SKOR2: variants seen among roughly 807,000 people sequenced by gnomAD.
SKOR2 encodes the protein LBX1 corepressor 1-like protein.
SKOR2 carries 47 observed loss-of-function variants against 69.1 expected under a neutral mutation model. The ratio of observed to expected loss-of-function variants is 0.68; its 90% CI spans 0.54 to 0.87. SKOR2 has a LOEUF of 0.87. SKOR2 is among the 40% of genes least tolerant of loss of function. The probability of loss-of-function intolerance (pLI) is 0.00; values close to 1 mark genes in which losing one functional copy is unlikely to be tolerated. For synonymous variants in SKOR2, 717 were observed against 672.6 expected, an observed-to-expected ratio of 1.07 and a Z score of -1.02; for missense variants, 1,404 against 1,472.2, an observed-to-expected ratio of 0.95 and a Z score of 0.76.
intron 4 of SKOR2, among the ~76,000 whole-genome samples, chr18:47,235,573 C>T (rs984866024): frequency 3.3e-5 from 5 of 152,068 alleles, no homozygotes; most frequent in South Asian, 4.1e-4. Context: ...TGTCAGGAGT[C>T]GGCTTTCCTG....
In SKOR2 at chr18:47,248,261, C is replaced by T; in HGVS notation, c.923G>A (p.Arg308Gln). 8.2e-7 allele frequency: 1 copy of T among 1,221,022 alleles called. No homozygotes were observed. The highest frequency in any genetic ancestry group is 1.0e-6 in the Non-Finnish European group (1 of 982,974). The allele number at this position is 1,221,022 out of a possible 1,614,324, so 75.6% of individuals were successfully genotyped here. A position where few individuals can be genotyped will look rare whatever the true frequency, so the allele number is the denominator to read the frequency against. The part of the protein sequence containing the change: ...LAGAPHAHHK[R>Q]PRFDDDDDSL... ...GTCGTCGTCGTCGTCGAAGCGCGGC[C>T]GCTTGTGATGGGCGTGCGGGGCACC... The change falls in exon 2 of 9, where the codon CGG becomes CAG. Residue 308 changes from arginine (R) to glutamine (Q), a missense_variant. Physicochemically the swap from Arg to Gln is conservative, Grantham distance 43. Transcript: ENST00000425639. This position sits in a 1 kb window ranked among gnomAD's most constrained non-coding sequence, Gnocchi z 6.4.
chr18:47,242,996 C>T (rs2064255656), intron 4 of SKOR2, among the ~76,000 whole-genome samples: 1 of 152,058 alleles, frequency 6.6e-6, no homozygotes, highest in East Asian at 1.9e-4. Context: ...TTAGGCTTTA[C>T]GGGGGCTTGC....
intron 2 of SKOR2, among the ~76,000 whole-genome samples, chr18:47,245,780 CAG>C (rs962973648): frequency 6.6e-5 from 10 of 151,956 alleles, no homozygotes; most frequent in African/African-American, 2.4e-4. Context: ...ACAGATTAAT[CAG>C]ATATATGCTA....
Position 47,248,505 on chromosome 18 carries a change from C to A in SKOR2, c.679G>T (p.Ala227Ser), listed in dbSNP as rs1287960701. 9 of 1,536,748 alleles carry A rather than the reference C, an allele frequency of 5.9e-6. No individual in the cohort carries two copies. In the Admixed American group the frequency reaches 1.4e-4, roughly 23 times the overall value. The part of the protein sequence containing the change: ...DKSPQDELVF[A>S]WEDVKAMFNG... ...AACATGGCCTTGACGTCCTCCCAGG[C>A]GAAGACCAGCTCGTCCTGGGGACTC... is the stretch of plus-strand genomic sequence containing the variant. The change falls in exon 2 of 9, where the codon GCC becomes TCC. Residue 227 changes from alanine to serine, a missense_variant. Physicochemically the swap from Ala to Ser is moderately conservative, Grantham distance 99. Coordinates refer to ENST00000425639, the MANE Select transcript of SKOR2 (RefSeq NM_001278063.4). This position sits in a 1 kb window ranked among gnomAD's most constrained non-coding sequence, Gnocchi z 6.4.
intron 6 of SKOR2, among the ~76,000 whole-genome samples, chr18:47,229,452 G>A (rs955765629): frequency 2.0e-5 from 3 of 152,184 alleles, no homozygotes; most frequent in Middle Eastern, 3.4e-3. Context: ...TCAGGAGTTC[G>A]AGACCTGCCT....
Position 47,248,093 on chromosome 18 carries a change from G to GCGCCCA in SKOR2, c.1085_1090dup (p.Val362_Gly363dup), listed in dbSNP as rs1189863463. ...TGCCCCGGCACCCGCCCCCGCGCCC[G>GCGCCCA]CGCCCACGCCCACGCCGGCCACACA... On this transcript the variant is annotated inframe_insertion, in exon 2 of 9. Coordinates refer to ENST00000425639, the MANE Select transcript of SKOR2 (RefSeq NM_001278063.4). This position sits in a 1 kb window ranked among gnomAD's most constrained non-coding sequence, Gnocchi z 6.4. The GCGCCCA allele has an allele frequency of 6.9e-5, 95 of 1,369,230 alleles. 1 individual carries two copies. In the Admixed American group the frequency reaches 1.2e-3, roughly 18 times the overall value. 84.8% of individuals were successfully genotyped at this position (1,369,230 alleles called of 1,614,324 possible).
Position 47,245,478 on chromosome 18 carries a change from A to ATTTTTTTTTTTTTTTTTTTT in SKOR2, c.2677+19_2677+20insAAAAAAAAAAAAAAAAAAAA, listed in dbSNP as rs10670977. The ATTTTTTTTTTTTTTTTTTTT allele has an allele frequency of 1.2e-3, 1,381 of 1,197,330 alleles. 38 individuals are homozygous for ATTTTTTTTTTTTTTTTTTTT. The highest frequency in any genetic ancestry group is 4.1e-3 in the African/African-American group (178 of 43,936). The allele number at this position is 1,197,330 out of a possible 1,614,324, so 74.2% of individuals were successfully genotyped here. A position where few individuals can be genotyped will look rare whatever the true frequency, so the allele number is the denominator to read the frequency against. Reference sequence around the variant, plus strand: ...ATGCAGGCAAGAAAAGTGGCAGCTGATTTTTTTTTTTTTTTTTACCTGAAA... The same window carrying ATTTTTTTTTTTTTTTTTTTT: ...ATGCAGGCAAGAAAAGTGGCAGCTGATTTTTTTTTTTTTTTTTTTTTTTTTTTTTTTTTTTTTACCTGAAA... On this transcript the variant is annotated intron_variant, in intron 3 of 8. Coordinates refer to ENST00000425639, the MANE Select transcript of SKOR2 (RefSeq NM_001278063.4).
At position 47,218,589 on chromosome 18, in the gene SKOR2, C is replaced by CAAAAAAAA. The variant is rs57860548; in HGVS notation, c.2985+1346_2985+1353dup. 1.6e-3 allele frequency among the ~76,000 whole-genome samples: 139 copies of CAAAAAAAA among 88,216 alleles called. 1 individual carries two copies. Among genetic ancestry groups the CAAAAAAAA allele is most frequent in the African/African-American group, 5.9e-3 (127 of 21,644 alleles). The allele number at this position is 88,216 out of a possible 152,430, so 57.9% of individuals were successfully genotyped here. A position where few individuals can be genotyped will look rare whatever the true frequency, so the allele number is the denominator to read the frequency against. ...TGTGCAGCAGAGTGAGACCCTGTCTCAAAAAAAAAAAAAAAAAAAAATCTG... is the reference window on the plus strand; with the variant it reads ...TGTGCAGCAGAGTGAGACCCTGTCTCAAAAAAAAAAAAAAAAAAAAAAAAAAAAATCTG... On this transcript the variant is annotated intron_variant, in intron 7 of 8. Coordinates refer to ENST00000425639, the MANE Select transcript of SKOR2 (RefSeq NM_001278063.4).
chr18:47,240,708 C>A (rs1014802003), intron 4 of SKOR2, among the ~76,000 whole-genome samples: 6 of 152,124 alleles, frequency 3.9e-5, no homozygotes, highest in African/African-American at 1.4e-4. Context: ...AAATGATGAA[C>A]TAAAATATCA....
intron 4 of SKOR2, among the ~76,000 whole-genome samples, chr18:47,244,530 A>G (rs886922681): frequency 6.6e-6 from 1 of 152,130 alleles, no homozygotes; most frequent in Admixed American, 6.5e-5. Flanking sequence ...TATCATGGAG[A>G]TAATATAAAT....
At position 47,249,110 on chromosome 18, in the gene SKOR2, G is replaced by A. The variant is rs763736877; in HGVS notation, c.74C>T (p.Thr25Met). ...GTGCCCTGGCCGCGGCTGGCTCAGC[G>A]TGTCGGGCTGGAAGGCGCTCGACGG... The part of the protein sequence containing the change: ...ASPSSAFQPD[T>M]LSQPRPGHAN... The change falls in exon 2 of 9, where the codon ACG becomes ATG. Residue 25 changes from threonine to methionine, a missense_variant. Coordinates refer to ENST00000425639, the MANE Select transcript of SKOR2 (RefSeq NM_001278063.4). The A allele has an allele frequency of 2.5e-5, 38 of 1,536,020 alleles. No homozygotes were observed. In the Admixed American group the frequency reaches 3.7e-4, roughly 15 times the overall value.
At chr18:47,246,167 T>C (rs1235848821) in intron 2 of SKOR2, among the ~76,000 whole-genome samples, 2 of 152,168 alleles carry the variant, frequency 1.3e-5, no homozygotes, top group Admixed American at 6.5e-5. Context: ...TACTGAACTA[T>C]AGAGAAGAAA....
At chr18:47,236,971 T>G (rs2064226886) in intron 4 of SKOR2, among the ~76,000 whole-genome samples, 1 of 152,198 alleles carries the variant, frequency 6.6e-6, no homozygotes, top group African/African-American at 2.4e-5. Context: ...CTAGAAAATA[T>G]ACTTTCTGAG....
chr18:47,245,658 C>T (rs2064269785), intron 2 of SKOR2, 97 bp from the exon 3 acceptor site: 2 of 1,141,738 alleles, frequency 1.8e-6, no homozygotes, highest in Non-Finnish European at 2.4e-6. Flanking sequence ...AAAAGTGACT[C>T]CATGGAGCCT....
intron 8 of SKOR2, among the ~76,000 whole-genome samples, chr18:47,210,051 C>A (rs142795335): frequency 6.6e-6 from 1 of 152,278 alleles, no homozygotes; most frequent in African/African-American, 2.4e-5. Context: ...CAACTCCAGT[C>A]TGGGTAGAAG....
Position 47,246,599 on chromosome 18 carries a change from G to A in SKOR2, c.2585C>T (p.Ser862Leu). Reference sequence around the variant, plus strand: ...TTTGTAGGAGGGCTGCTCCTCCAGTGATGGATGGTGAACTGGGCTGCCCGG... The same window carrying A: ...TTTGTAGGAGGGCTGCTCCTCCAGTAATGGATGGTGAACTGGGCTGCCCGG... ...SSPGSPVHHP[S>L]LEEQPSYKDS... The change falls in exon 2 of 9, where the codon TCA becomes TTA. Residue 862 changes from serine to leucine, a missense_variant. Physicochemically the swap from Ser to Leu is moderately radical, Grantham distance 145. This residue lies in a region of SKOR2 where 1,266 missense variants were observed against 1,309.9 expected (regional missense o/e 0.97). Transcript: ENST00000425639. 1 of 1,524,528 alleles carries A rather than the reference G, an allele frequency of 6.6e-7. No individual in the cohort carries two copies. Among genetic ancestry groups the A allele is most frequent in the Non-Finnish European group, 8.8e-7 (1 of 1,142,086 alleles). The allele number at this position is 1,524,528 out of a possible 1,614,324, so 94.4% of individuals were successfully genotyped here. A position where few individuals can be genotyped will look rare whatever the true frequency, so the allele number is the denominator to read the frequency against.
At chr18:47,225,282 A>G (rs1178029253) in intron 6 of SKOR2, among the ~76,000 whole-genome samples, 1 of 152,184 alleles carries the variant, frequency 6.6e-6, no homozygotes, top group Non-Finnish European at 1.5e-5. Flanking sequence ...TTCCTGTAAT[A>G]ACCAACTGGC....
chr18:47,220,229 T>A (rs549495209), intron 6 of SKOR2, among the ~76,000 whole-genome samples: 3 of 152,272 alleles, frequency 2.0e-5, no homozygotes, highest in Admixed American at 2.0e-4. Context: ...TTTTACAGTA[T>A]CTCATATTCC....
In SKOR2 at chr18:47,212,283, G is replaced by A. The variant is rs1428252898; in HGVS notation, c.2986-132C>T. ...CCCTGAAAAAAAGAGGTCTCCATCTGCTCAGCGGTATGAGGTTTCTGGGGT... is the reference window on the plus strand; with the variant it reads ...CCCTGAAAAAAAGAGGTCTCCATCTACTCAGCGGTATGAGGTTTCTGGGGT... On this transcript the variant is annotated intron_variant, in intron 7 of 8. Coordinates refer to ENST00000425639, the MANE Select transcript of SKOR2 (RefSeq NM_001278063.4). 3 of 777,764 alleles carry A rather than the reference G, an allele frequency of 3.9e-6. No homozygotes were observed. In the African/African-American group the frequency reaches 5.4e-5, roughly 14 times the overall value. The allele number at this position is 777,764 out of a possible 1,614,324, so 48.2% of individuals were successfully genotyped here. A position where few individuals can be genotyped will look rare whatever the true frequency, so the allele number is the denominator to read the frequency against.
Sources: gnomAD v4.1 joint callset for allele counts (sites outside exome capture counted in the v4.1 genomes callset) on GRCh38, gnomAD v4.1.1 for gene constraint, gnomAD v4.1.1 regional missense constraint, Gnocchi (gnomAD v3.1) non-coding constraint, MANE v1.5 for transcripts, NCBI Gene and HGNC (gene_info 2026-07-23, HGNC 2026-07-21) for gene names.